CPLX1: variants seen among roughly 807,000 people sequenced by gnomAD.
The protein encoded by CPLX1 is complexin-1.
A neutral mutation model predicts 15.6 loss-of-function variants in CPLX1; 6 were observed. The ratio of observed to expected loss-of-function variants is 0.39; its 90% confidence interval spans 0.21 to 0.76. The LOEUF (loss-of-function observed/expected upper bound fraction) is 0.76, where lower values mean the gene tolerates loss of function less well. Ranked by LOEUF, CPLX1 falls within the 30% of genes least tolerant of loss-of-function variation. The pLI is 0.43. For synonymous variants in CPLX1, 91 were observed against 75.2 expected, an observed-to-expected ratio of 1.21 and a Z score of -1.08; for missense variants, 242 against 188.6, an observed-to-expected ratio of 1.28 and a Z score of -1.66.
intron 2 of CPLX1, among the ~76,000 whole-genome samples, chr4:816,776 C>T (rs1029347000): frequency 1.3e-5 from 2 of 152,046 alleles, no homozygotes; most frequent in East Asian, 3.9e-4. Context: ...GAGCTGTGAT[C>T]GCTCCACTGC....
intron 1 of CPLX1, 141 bp from the exon 2 acceptor site, chr4:824,742 G>C (rs1463680327): frequency 2.9e-6 from 2 of 695,788 alleles, no homozygotes; most frequent in Non-Finnish European, 5.2e-6. Context: ...AGTCCTTCGT[G>C]AGGGGCTTCT....
chr4:825,825 G>C (rs1746972462), intron 1 of CPLX1, among the ~76,000 whole-genome samples: 4 of 146,336 alleles, frequency 2.7e-5, no homozygotes, highest in South Asian at 2.2e-4. Context: ...GCCGGAGCCG[G>C]GGGGAGAAGC....
chr4:787,514 G>A, intron 3 of CPLX1: 1 of 649,834 alleles, frequency 1.5e-6, no homozygotes, highest in African/African-American at 2.0e-5. Flanking sequence ...GGGGCCTCAA[G>A]TCCAGTGAGA....
intron 2 of CPLX1, among the ~76,000 whole-genome samples, chr4:795,435 C>T (rs1003408571): frequency 6.6e-6 from 1 of 152,228 alleles, no homozygotes; most frequent in Admixed American, 6.5e-5. Context: ...CCACCCCCGC[C>T]CCCGTTTCCA....
At chr4:813,646 G>A (rs893145711) in intron 2 of CPLX1, among the ~76,000 whole-genome samples, 2 of 152,122 alleles carry the variant, frequency 1.3e-5, no homozygotes, top group Non-Finnish European at 2.9e-5. Context: ...GTGATTCCTT[G>A]AAAACAGAGA....
chr4:787,071 G>C lies in CPLX1; in HGVS notation c.208-373C>G, dbSNP rs116626266. The stretch of plus-strand genomic sequence containing the variant: ...GGGAGGGGTGGGCAGGATGCTGCGT[G>C]GCAGAGGTGGGGAGAAACAGTCAAC... On this transcript the variant is annotated intron_variant, in intron 3 of 3. Coordinates refer to ENST00000304062, the MANE Select transcript of CPLX1 (RefSeq NM_006651.4). The C allele has an allele frequency of 1.4e-3, 1,409 of 985,358 alleles. 19 individuals are homozygous for C. In the African/African-American group the frequency reaches 0.022, roughly 15 times the overall value. 61.0% of individuals were successfully genotyped at this position (985,358 alleles called of 1,614,324 possible). A position where few individuals can be genotyped will look rare whatever the true frequency, so the allele number is the denominator to read the frequency against.
At chr4:818,209 G>T (rs990689901) in intron 2 of CPLX1, among the ~76,000 whole-genome samples, 1 of 152,250 alleles carries the variant, frequency 6.6e-6, no homozygotes, top group Non-Finnish European at 1.5e-5. Context: ...AGCCCTTGGG[G>T]AGGGGAGGCA....
At chr4:825,150 C>A (rs1746953832) in intron 1 of CPLX1, among the ~76,000 whole-genome samples, 1 of 152,040 alleles carries the variant, frequency 6.6e-6, no homozygotes, top group Admixed American at 6.5e-5. Context: ...GGAGAAACTT[C>A]AGGGGGCTCA....
At chr4:799,234 G>A (rs1746405576) in intron 2 of CPLX1, among the ~76,000 whole-genome samples, 1 of 152,252 alleles carries the variant, frequency 6.6e-6, no homozygotes, top group African/African-American at 2.4e-5. Flanking sequence ...TACAGAGAGA[G>A]GCCAAGAGGA....
chr4:805,012 A>G, intron 2 of CPLX1: 1 of 858,698 alleles, frequency 1.2e-6, no homozygotes, highest in Non-Finnish European at 1.4e-6. Context: ...AAACGTGCCC[A>G]CGCACGCTCG....
In CPLX1 at chr4:785,912, C is replaced by G. The variant is rs1560233614; in HGVS notation, c.*589G>C. The G allele has an allele frequency of 6.6e-6, 1 of 152,026 alleles. No individual in the cohort carries two copies. Among genetic ancestry groups the G allele is most frequent in the Non-Finnish European group, 1.5e-5 (1 of 68,044 alleles). 9.4% of individuals were successfully genotyped at this position (152,026 alleles called of 1,614,324 possible). On this transcript the variant is annotated 3_prime_UTR_variant, in exon 4 of 4. Coordinates refer to ENST00000304062, the MANE Select transcript of CPLX1 (RefSeq NM_006651.4). ...AGTTTAGAAGTGAACACGGCCGTGG[C>G]GTTCGTAAGAAGCAAAACCTTCCAG...
rs574796502 is a variant in CPLX1 at position 825,641 on chromosome 4, G to A, written c.-80+405C>T. On this transcript the variant is annotated intron_variant, in intron 1 of 3. Coordinates refer to ENST00000304062, the MANE Select transcript of CPLX1 (RefSeq NM_006651.4). The stretch of plus-strand genomic sequence containing the variant: ...CGAGGGAGGAGAGGGGGAGCCTCGA[G>A]ACAGGAAGAAGCGAGGAGGAGGCCG... 6.6e-4 allele frequency among the ~76,000 whole-genome samples: 101 copies of A among 151,900 alleles called. 1 individual carries two copies. The highest frequency in any genetic ancestry group is 7.2e-4 in the Admixed American group (11 of 15,278).
chr4:824,891 G>C (rs1192069656), intron 1 of CPLX1: 1 of 438,770 alleles, frequency 2.3e-6, no homozygotes, highest in African/African-American at 2.0e-5. Context: ...GGCTGCGGAA[G>C]CAGGGGCGGG....
chr4:804,249 CT>C (rs1306767141), intron 2 of CPLX1, among the ~76,000 whole-genome samples: 1 of 152,196 alleles, frequency 6.6e-6, no homozygotes, highest in Admixed American at 6.5e-5. Flanking sequence ...ACCTCTCTTC[CT>C]GATGACACGA....
At chr4:822,648 G>A (rs533151214) in intron 2 of CPLX1, among the ~76,000 whole-genome samples, 2 of 152,106 alleles carry the variant, frequency 1.3e-5, no homozygotes, top group Non-Finnish European at 2.9e-5. Context: ...CCGGGGCTTG[G>A]TCTGTTTCTC....
intron 3 of CPLX1, among the ~76,000 whole-genome samples, chr4:789,070 C>A (rs1746088484): frequency 6.6e-6 from 1 of 152,220 alleles, no homozygotes; most frequent in Non-Finnish European, 1.5e-5. Context: ...GTGCCAGTTG[C>A]TGCAGTGAGG....
chr4:804,739 A>G, intron 2 of CPLX1: 2 of 985,446 alleles, frequency 2.0e-6, no homozygotes, highest in Non-Finnish European at 2.4e-6. Flanking sequence ...AAGTGTCACA[A>G]AGAAGTGAAA....
At chr4:811,181 A>G (rs1459243396) in intron 2 of CPLX1, among the ~76,000 whole-genome samples, 1 of 152,126 alleles carries the variant, frequency 6.6e-6, no homozygotes, top group East Asian at 1.9e-4. Context: ...TAAATTTTTT[A>G]TAGAGATGGG....
chr4:785,123 T>G lies in CPLX1; in HGVS notation c.*1378A>C, dbSNP rs1194814090. The G allele has an allele frequency of 6.6e-6, 1 of 151,946 alleles. No individual in the cohort carries two copies. The highest frequency in any genetic ancestry group is 1.5e-5 in the Non-Finnish European group (1 of 68,040). 9.4% of individuals were successfully genotyped at this position (151,946 alleles called of 1,614,324 possible). A position where few individuals can be genotyped will look rare whatever the true frequency, so the allele number is the denominator to read the frequency against. ...ATGCGCTGGGAACGGGGTGCGCAGG[T>G]TCTACGAGAGGACGCCCTGTCTGCT... On this transcript the variant is annotated 3_prime_UTR_variant, in exon 4 of 4. Transcript: ENST00000304062.
Sources: gnomAD v4.1 joint callset for allele counts (sites outside exome capture counted in the v4.1 genomes callset) on GRCh38, gnomAD v4.1.1 for gene constraint, MANE v1.5 for transcripts, NCBI Gene and HGNC (gene_info 2026-07-23, HGNC 2026-07-21) for gene names.